Variants in CRADD observed in about 807,000 individuals in gnomAD.
CRADD encodes death domain-containing protein CRADD.
A neutral mutation model predicts 15.5 loss-of-function variants in CRADD; 9 were observed. That is an observed-to-expected ratio of 0.58 (90% CI 0.35 to 1.01). CRADD has a LOEUF of 1.01. Ranked by LOEUF, CRADD falls within the 50% of genes least tolerant of loss-of-function variation. The pLI, the probability that CRADD is intolerant of heterozygous loss-of-function variation, is 0.02. For missense variants in CRADD, 227 were observed against 250.3 expected (o/e 0.91, Z 0.63); for synonymous variants, 118 against 107.6 (o/e 1.10, Z -0.60).
At chr12:93,758,486 T>C (rs1956915567) in intron 2 of CRADD, among the ~76,000 whole-genome samples, 1 of 152,082 alleles carries the variant, frequency 6.6e-6, no homozygotes, top group South Asian at 2.1e-4. Flanking sequence ...TTTAAATTAA[T>C]ATTAATATTA....
intron 1 of CRADD, chr12:93,677,831 G>A (rs943782203): frequency 6.6e-6 from 1 of 152,326 alleles, no homozygotes; most frequent in Admixed American, 6.5e-5. Flanking sequence ...ACAGGGTTGC[G>A]AGGGGGAGTG....
chr12:93,722,178 T>C (rs183675003), intron 2 of CRADD, among the ~76,000 whole-genome samples: 50 of 152,352 alleles, frequency 3.3e-4, no homozygotes, highest in Admixed American at 3.1e-3. Context: ...CACTTTGTTC[T>C]TGATTATGTG....
intron 2 of CRADD, among the ~76,000 whole-genome samples, chr12:93,840,691 C>T (rs1032234378): frequency 7.2e-5 from 11 of 152,064 alleles, no homozygotes; most frequent in Non-Finnish European, 1.0e-4. Context: ...CTCAGCCTCC[C>T]GAGTAGCTGG....
At chr12:93,889,378 A>G (rs1388874986) in intron 2 of CRADD, among the ~76,000 whole-genome samples, 1 of 152,120 alleles carries the variant, frequency 6.6e-6, no homozygotes. Flanking sequence ...TGCTCTTCTG[A>G]CCACACTGTA....
intron 2 of CRADD, among the ~76,000 whole-genome samples, chr12:93,710,071 G>A (rs1956033313): frequency 1.3e-5 from 2 of 152,190 alleles, no homozygotes; most frequent in Admixed American, 1.3e-4. Flanking sequence ...ACAATTTGGT[G>A]TGTTGGCTGG....
chr12:93,866,332 G>T (rs1593052667), intron 2 of CRADD, among the ~76,000 whole-genome samples: 1 of 151,476 alleles, frequency 6.6e-6, no homozygotes, highest in African/African-American at 2.4e-5. Context: ...TTGTCATTTT[G>T]TTGTCTTTTG....
At chr12:93,759,950 T>C (rs1205574563) in intron 2 of CRADD, among the ~76,000 whole-genome samples, 1 of 152,126 alleles carries the variant, frequency 6.6e-6, no homozygotes, top group Admixed American at 6.5e-5. Context: ...TCCCATCTGA[T>C]GGTGGGGTGT....
intron 2 of CRADD, among the ~76,000 whole-genome samples, chr12:93,713,497 G>A (rs895830261): frequency 2.0e-5 from 3 of 152,020 alleles, no homozygotes; most frequent in African/African-American, 4.8e-5. Context: ...AAATGGCATC[G>A]TATTTTTATG....
intron 2 of CRADD, among the ~76,000 whole-genome samples, chr12:93,797,248 A>G (rs1056428552): frequency 6.6e-6 from 1 of 152,050 alleles, no homozygotes; most frequent in African/African-American, 2.4e-5. Flanking sequence ...AAGAGAGGGG[A>G]GGGTGGAAGA....
chr12:93,773,272 T>G (rs1957103852), intron 2 of CRADD, among the ~76,000 whole-genome samples: 1 of 152,200 alleles, frequency 6.6e-6, no homozygotes, highest in African/African-American at 2.4e-5. Flanking sequence ...CATCTTGAAT[T>G]CCCACATGTT....
At chr12:93,678,707 C>T in intron 1 of CRADD, 62 bp from the exon 2 acceptor site, 2 of 1,536,764 alleles carry the variant, frequency 1.3e-6, no homozygotes, top group South Asian at 2.5e-5. Flanking sequence ...ATTGCAGTGA[C>T]ACTGTCTTTA....
At chr12:93,886,162 C>CCT (rs1555231623) in intron 2 of CRADD, among the ~76,000 whole-genome samples, 4 of 123,948 alleles carry the variant, frequency 3.2e-5, no homozygotes, top group Non-Finnish European at 6.7e-5. Context: ...GCTGCTGATG[C>CCT]TTTTTTTTTT....
At chr12:93,787,231 C>T (rs544243497) in intron 2 of CRADD, among the ~76,000 whole-genome samples, 1 of 145,574 alleles carries the variant, frequency 6.9e-6, no homozygotes, top group African/African-American at 2.6e-5. Context: ...AAGTCAGCCT[C>T]ATGGGTGGTG....
At chr12:93,736,858 C>T (rs905010954) in intron 2 of CRADD, among the ~76,000 whole-genome samples, 5 of 152,310 alleles carry the variant, frequency 3.3e-5, no homozygotes, top group Admixed American at 3.3e-4. Context: ...ATTTCATAGC[C>T]ACATCAGTTT....
intron 2 of CRADD, among the ~76,000 whole-genome samples, chr12:93,783,985 G>A (rs925337983): frequency 6.6e-6 from 1 of 152,186 alleles, no homozygotes; most frequent in Admixed American, 6.5e-5. Context: ...AGGGAAGAGA[G>A]TGAGTAGCAA....
At chr12:93,851,626 T>C (rs951552253), downstream of CRADD, among the ~76,000 whole-genome samples, 1 of 152,236 alleles carries the variant, frequency 6.6e-6, no homozygotes, top group African/African-American at 2.4e-5. Context: ...CAAAGCTGAA[T>C]AGTGGCTGAA....
chr12:93,724,623 GAAA>G (rs915452387), intron 2 of CRADD, among the ~76,000 whole-genome samples: 1 of 151,920 alleles, frequency 6.6e-6, no homozygotes, highest in African/African-American at 2.4e-5. Flanking sequence ...TTTTGCCTTT[GAAA>G]AAAGTCAGGT....
At chr12:93,799,383 G>C (rs1957454003) in intron 2 of CRADD, among the ~76,000 whole-genome samples, 1 of 152,122 alleles carries the variant, frequency 6.6e-6, no homozygotes, top group Non-Finnish European at 1.5e-5. Context: ...ACACACACAT[G>C]TAAATAGAAA....
chr12:93,840,608 CCAGGCTGGAGTG>C (rs1958035485), intron 2 of CRADD, among the ~76,000 whole-genome samples: 2 of 151,426 alleles, frequency 1.3e-5, no homozygotes, highest in Non-Finnish European at 2.9e-5. Flanking sequence ...CTCTTGTTGC[CCAGGCTGGAGTG>C]CAATGGCTCA....
Sources: gnomAD v4.1 joint callset for allele counts (sites outside exome capture counted in the v4.1 genomes callset) on GRCh38, gnomAD v4.1.1 for gene constraint, MANE v1.5 for transcripts, NCBI Gene and HGNC (gene_info 2026-07-23, HGNC 2026-07-21) for gene names.